ZNF724: variants seen among roughly 807,000 people sequenced by gnomAD.
The protein encoded by ZNF724 is zinc finger protein 724 pseudogene.
Under a neutral mutation model 29.3 loss-of-function variants are expected in ZNF724, and 14 were observed. The ratio of observed to expected loss-of-function variants is 0.48; its 90% confidence interval spans 0.32 to 0.75. The LOEUF (loss-of-function observed/expected upper bound fraction) is 0.75, where lower values mean the gene tolerates loss of function less well. Ranked by LOEUF, ZNF724 falls within the 30% of genes least tolerant of loss-of-function variation. ZNF724 has a pLI of 0.04. For missense variants in ZNF724, 557 were observed against 571.2 expected (o/e 0.98, Z 0.25); for synonymous variants, 180 against 193.6 (o/e 0.93, Z 0.58).
At position 23,242,411 on chromosome 19, in the gene ZNF724, T is replaced by G. The variant is rs901357807; in HGVS notation, c.3+7829A>C. Among the ~76,000 whole-genome samples, 94 of 151,634 alleles carry G rather than the reference T, an allele frequency of 6.2e-4. 1 individual carries two copies. Among genetic ancestry groups the G allele is most frequent in the African/African-American group, 2.1e-3 (87 of 41,346 alleles). The stretch of plus-strand genomic sequence containing the variant: ...CAGGACAACATAAAGAAACCCAATT[T>G]CTACAAAAAAAATACTAAAAGAAAA... On this transcript the variant is annotated intron_variant, in intron 1 of 3. Coordinates refer to ENST00000418100, the MANE Select transcript of ZNF724 (RefSeq NM_001355404.2).
chr19:23,241,055 A>ACAAC (rs59189024), intron 1 of ZNF724, among the ~76,000 whole-genome samples: 2 of 150,592 alleles, frequency 1.3e-5, no homozygotes, highest in African/African-American at 2.4e-5. Context: ...AACAACAACA[A>ACAAC]AAAAAAAAGA....
At chr19:23,228,956 G>T (rs964463696) in intron 3 of ZNF724, among the ~76,000 whole-genome samples, 2 of 151,838 alleles carry the variant, frequency 1.3e-5, no homozygotes, top group Non-Finnish European at 2.9e-5. Flanking sequence ...CCCAGCTACT[G>T]GGGGGCTGAG....
chr19:23,242,129 C>T (rs1972134451), intron 1 of ZNF724, among the ~76,000 whole-genome samples: 1 of 152,012 alleles, frequency 6.6e-6, no homozygotes, highest in African/African-American at 2.4e-5. Flanking sequence ...TTCAAAAATG[C>T]CACAAAAAGA....
intron 1 of ZNF724, among the ~76,000 whole-genome samples, chr19:23,246,654 AG>A (rs1334874018): frequency 2.6e-5 from 4 of 151,492 alleles, no homozygotes; most frequent in Admixed American, 6.6e-5. Context: ...ACTCTGTCTC[AG>A]GGGAAAAAAA....
intron 1 of ZNF724, among the ~76,000 whole-genome samples, chr19:23,239,798 G>A (rs1042666966): frequency 3.3e-5 from 5 of 152,040 alleles, no homozygotes; most frequent in East Asian, 3.9e-4. Flanking sequence ...GCAACGCAGC[G>A]AGACTGTTTC....
intron 1 of ZNF724, among the ~76,000 whole-genome samples, chr19:23,240,915 C>T (rs1408371108): frequency 6.6e-6 from 1 of 151,920 alleles, no homozygotes; most frequent in African/African-American, 2.4e-5. Flanking sequence ...TGCCTGTAAT[C>T]CCAGCTACTT....
intron 1 of ZNF724, among the ~76,000 whole-genome samples, chr19:23,235,344 AAAGG>A (rs1972007593): frequency 6.6e-6 from 1 of 152,198 alleles, no homozygotes; most frequent in Non-Finnish European, 1.5e-5. Context: ...AGGGATACAG[AAAGG>A]AAGAATTTAA....
chr19:23,242,722 A>G (rs1972149845), intron 1 of ZNF724: 1 of 81,308 alleles, frequency 1.2e-5, no homozygotes, highest in East Asian at 3.8e-4. Flanking sequence ...TGAAAAAAGA[A>G]AAAGTAATAA....
chr19:23,242,711 C>G (rs555841831), intron 1 of ZNF724: 14 of 57,320 alleles, frequency 2.4e-4, no homozygotes, highest in African/African-American at 7.3e-4. Context: ...GAGACTCCGT[C>G]TGAAAAAAGA....
chr19:23,238,129 G>A (rs1404820238), intron 1 of ZNF724, among the ~76,000 whole-genome samples: 1 of 152,168 alleles, frequency 6.6e-6, no homozygotes, highest in Non-Finnish European at 1.5e-5. Flanking sequence ...ACTTTGGGAG[G>A]CCGAGGTGGG....
intron 1 of ZNF724, among the ~76,000 whole-genome samples, chr19:23,234,892 A>G (rs1176318196): frequency 2.0e-5 from 3 of 152,126 alleles, no homozygotes; most frequent in Admixed American, 2.0e-4. Context: ...TGCTTCTTCT[A>G]GGCTCATCAT....
At position 23,250,360 on chromosome 19, in the gene ZNF724, G is replaced by A. The variant is rs1320893839; in HGVS notation, c.-118C>T. 8 of 490,658 alleles carry A rather than the reference G, an allele frequency of 1.6e-5. No individual in the cohort carries two copies. Among genetic ancestry groups the A allele is most frequent in the Non-Finnish European group, 2.9e-5 (7 of 244,712 alleles). 30.4% of individuals were successfully genotyped at this position (490,658 alleles called of 1,614,324 possible). On this transcript the variant is annotated 5_prime_UTR_variant, in exon 1 of 4. Transcript: ENST00000418100. ...AGGGGACACAAAGCAGGGAAGACGA[G>A]ACCAAGCGCTCCAGCTGCAGCGAGA...
At chr19:23,239,193 G>A (rs1022631988) in intron 1 of ZNF724, among the ~76,000 whole-genome samples, 10 of 152,174 alleles carry the variant, frequency 6.6e-5, no homozygotes, top group African/African-American at 7.2e-5. Flanking sequence ...AAGATATCAG[G>A]ACCTAAACTC....
intron 1 of ZNF724, among the ~76,000 whole-genome samples, chr19:23,239,569 G>C (rs1972082622): frequency 6.6e-6 from 1 of 152,120 alleles, no homozygotes; most frequent in African/African-American, 2.4e-5. Flanking sequence ...ACACAGCCAA[G>C]GCAGTGTTAA....
At chr19:23,237,883 T>C (rs1351448825) in intron 1 of ZNF724, among the ~76,000 whole-genome samples, 3 of 152,206 alleles carry the variant, frequency 2.0e-5, no homozygotes, top group African/African-American at 7.2e-5. Context: ...TCTTTTGCAG[T>C]GTAAGTACTT....
In ZNF724 at chr19:23,233,183, A is replaced by G. The variant is rs536172741; in HGVS notation, c.4-890T>C. On this transcript the variant is annotated intron_variant, in intron 1 of 3. Coordinates refer to ENST00000418100, the MANE Select transcript of ZNF724 (RefSeq NM_001355404.2). Reference sequence around the variant, plus strand: ...ACATCAGTTTTATGCAAAGTTCAAGATACAGGTATCTTCTATCTTGATACA... The same window carrying G: ...ACATCAGTTTTATGCAAAGTTCAAGGTACAGGTATCTTCTATCTTGATACA... Among the ~76,000 whole-genome samples the G allele has an allele frequency of 9.2e-5, 14 of 152,312 alleles. No individual in the cohort carries two copies. In the South Asian group the frequency reaches 2.9e-3, roughly 32 times the overall value.
chr19:23,248,897 A>G (rs897252614), intron 1 of ZNF724, among the ~76,000 whole-genome samples: 3 of 152,136 alleles, frequency 2.0e-5, no homozygotes, highest in Non-Finnish European at 4.4e-5. Context: ...TGGGAGGCTG[A>G]GGCAGGAGAA....
intron 1 of ZNF724, among the ~76,000 whole-genome samples, chr19:23,233,228 A>T (rs116574862): frequency 0.016 from 2,446 of 152,278 alleles, 58 homozygotes; most frequent in African/African-American, 0.055. Flanking sequence ...AAGATACAGG[A>T]ATCTTCTATT....
At position 23,248,994 on chromosome 19, in the gene ZNF724, A is replaced by AAAAC. The variant is rs201152655; in HGVS notation, c.3+1242_3+1245dup. ...GTGCAGGACTCCGTCTCAAAAAAACAAAACAAACAAACAAACAAAAAAAAC... is the reference window on the plus strand; with the variant it reads ...GTGCAGGACTCCGTCTCAAAAAAACAAAACAAACAAACAAACAAACAAAAAAAAC... On this transcript the variant is annotated intron_variant, in intron 1 of 3. Transcript: ENST00000418100. Among the ~76,000 whole-genome samples the AAAAC allele has an allele frequency of 4.9e-5, 7 of 144,234 alleles. 1 individual carries two copies. The highest frequency in any genetic ancestry group is 2.1e-4 in the East Asian group (1 of 4,676). The allele number at this position is 144,234 out of a possible 152,430, so 94.6% of individuals were successfully genotyped here.
Sources: gnomAD v4.1 joint callset for allele counts (sites outside exome capture counted in the v4.1 genomes callset) on GRCh38, gnomAD v4.1.1 for gene constraint, MANE v1.5 for transcripts, NCBI Gene and HGNC (gene_info 2026-07-23, HGNC 2026-07-21) for gene names.